The following HIPK1 variants were observed in gnomAD, a reference collection of about 807,000 sequenced individuals.
HIPK1 encodes the protein homeodomain-interacting protein kinase 1.
In HIPK1, 28 loss-of-function variants were observed where a neutral mutation model predicts 117.1. The observed-to-expected ratio is 0.24, with a 90% CI of 0.18 to 0.33. HIPK1 has a LOEUF of 0.33. Ranked by LOEUF, HIPK1 falls within the 10% of genes least tolerant of loss-of-function variation. The pLI is 1.00. For synonymous variants in HIPK1, 605 were observed against 562.5 expected (o/e 1.08, Z -1.07); for missense variants, 1,122 against 1,475.1 (o/e 0.76, Z 3.92).
At chr1:113,963,263 C>T in intron 9 of HIPK1, 124 bp from the exon 10 acceptor site, 1 of 1,109,708 alleles carries the variant, frequency 9.0e-7, no homozygotes, top group Non-Finnish European at 1.3e-6. Context: ...TTGGTATATG[C>T]ATTTTAGATG....
chr1:113,956,577 C>A, intron 5 of HIPK1, 50 bp from the exon 6 acceptor site: 1 of 1,371,684 alleles, frequency 7.3e-7, no homozygotes, highest in South Asian at 1.2e-5. Flanking sequence ...TATGTAGTGT[C>A]AGTGCCAAAG....
At chr1:113,929,894 C>G in intron 1 of HIPK1, 38 of 986,686 alleles carry the variant, frequency 3.9e-5, no homozygotes, top group Non-Finnish European at 4.5e-5. Flanking sequence ...TCCGCCGCCT[C>G]CTCACGGCAG....
rs1017783706 is a variant in HIPK1, at chr1:113,967,708, G to C, written c.2382-58G>C. 21 of 1,262,232 alleles carry C rather than the reference G, an allele frequency of 1.7e-5. No individual in the cohort carries two copies. The African/African-American group carries it at 1.9e-4, about 11-fold the overall frequency. 78.2% of individuals were successfully genotyped at this position (1,262,232 alleles called of 1,614,324 possible). On this transcript the variant is annotated intron_variant, in intron 11 of 15. Transcript: ENST00000426820. ...GGCTAATTGCTTTTGATGTCTGTTT[G>C]GTCCTGATTCTTCAGTGGTTTTGGA...
Position 113,941,152 on chromosome 1 carries a change from T to C in HIPK1, c.769T>C (p.Cys257Arg), listed in dbSNP as rs761880356. The change falls in exon 2 of 16, where the codon TGC becomes CGC. Residue 257 changes from cysteine to arginine, a missense_variant. Physicochemically the swap from Cys to Arg is radical, Grantham distance 180. Transcript: ENST00000426820. The surrounding 1 kb of genome is among the most constrained non-coding windows in gnomAD (Gnocchi z 4.9). The stretch of plus-strand genomic sequence containing the variant: ...GTATAATTTTGTCCGTTCATACGAG[T>C]GCTTTCAGCATAAGAATCACACCTG... ...DEYNFVRSYE[C>R]FQHKNHTCLV... 1 of 1,614,206 alleles carries C rather than the reference T, an allele frequency of 6.2e-7. No homozygotes were observed.
chr1:113,966,387 G>C, intron 11 of HIPK1, 115 bp downstream of exon 11: 1 of 967,972 alleles, frequency 1.0e-6, no homozygotes, highest in Non-Finnish European at 1.5e-6. Flanking sequence ...GACACTGTTG[G>C]AATCCTTTAA....
intron 8 of HIPK1, among the ~76,000 whole-genome samples, chr1:113,959,731 A>G (rs1239433597): frequency 6.6e-6 from 1 of 152,230 alleles, no homozygotes; most frequent in Non-Finnish European, 1.5e-5. Flanking sequence ...CTATCTAGGA[A>G]GTATAAATAA....
chr1:113,969,848 A>T, intron 13 of HIPK1, 108 bp from the exon 14 acceptor site: 1 of 1,243,996 alleles, frequency 8.0e-7, no homozygotes. Context: ...TTGAGGTCGC[A>T]GCGAGCTGTG....
intron 1 of HIPK1, among the ~76,000 whole-genome samples, chr1:113,938,798 T>A (rs866664480): frequency 6.6e-6 from 1 of 151,352 alleles, no homozygotes; most frequent in Admixed American, 6.6e-5. Context: ...TACTCTCAGC[T>A]ACTTGGGAGG....
At chr1:113,938,933 C>T (rs1261735997) in intron 1 of HIPK1, among the ~76,000 whole-genome samples, 2 of 71,080 alleles carry the variant, frequency 2.8e-5, no homozygotes, top group African/African-American at 5.9e-5. Flanking sequence ...AAAAAATACA[C>T]ACACACACAC....
In HIPK1 at chr1:113,973,245, A is replaced by G. The variant is rs1488187573; in HGVS notation, c.3366A>G (p.Ala1122=). Residue 1122 remains alanine, a synonymous_variant, in exon 16 of 16, where the codon GCA becomes GCG. Coordinates refer to ENST00000426820, the MANE Select transcript of HIPK1 (RefSeq NM_198268.3). Reference sequence around the variant, plus strand: ...ATGCTGCCCCGACTTCTGCTGCTGCACTGGGCTCAACCAGCTCCATTGCTC... The same window carrying G: ...ATGCTGCCCCGACTTCTGCTGCTGCGCTGGGCTCAACCAGCTCCATTGCTC... The part of the protein sequence containing the change: ...YTYAAPTSAA[A]LGSTSSIAHL... The G allele has an allele frequency of 2.5e-6, 4 of 1,614,020 alleles. No homozygotes were observed. The East Asian group carries it at 8.9e-5, about 36-fold the overall frequency.
Position 113,956,631 on chromosome 1 carries a change from A to C in HIPK1, c.1412A>C (p.Asn471Thr). ...FNCLDDMAQV[N>T]MSTDLEGTDM... is the part of the protein sequence containing the mutation. ...ATTCTGAATTTTCTTTGGAAGGTGA[A>C]TATGTCTACAGACCTGGAGGGAACA... The change falls in exon 6 of 16, where the codon AAT becomes ACT. Residue 471 changes from asparagine to threonine, a missense_variant. Transcript: ENST00000426820. 1 of 1,608,860 alleles carries C rather than the reference A, an allele frequency of 6.2e-7. No homozygotes were observed. The highest frequency in any genetic ancestry group is 1.1e-5 in the South Asian group (1 of 90,178).
At chr1:113,962,553 C>T (rs1163201008) in intron 9 of HIPK1, 115 bp downstream of exon 9, 2 of 1,016,546 alleles carry the variant, frequency 2.0e-6, no homozygotes, top group African/African-American at 1.6e-5. Context: ...GGTCATGATT[C>T]AGTGGACTTA....
chr1:113,936,130 G>A (rs1050536925), intron 1 of HIPK1, among the ~76,000 whole-genome samples: 8 of 152,160 alleles, frequency 5.3e-5, no homozygotes, highest in African/African-American at 1.9e-4. Flanking sequence ...TTCTCACCTT[G>A]TGTTAATTGA....
chr1:113,951,655 C>A (rs1345121196), intron 2 of HIPK1, among the ~76,000 whole-genome samples: 1 of 152,144 alleles, frequency 6.6e-6, no homozygotes, highest in Non-Finnish European at 1.5e-5. Context: ...CTAGTATTTA[C>A]CATGTGCCAT....
chr1:113,943,004 G>A (rs1419484105), intron 2 of HIPK1, among the ~76,000 whole-genome samples: 1 of 152,178 alleles, frequency 6.6e-6, no homozygotes, highest in Non-Finnish European at 1.5e-5. Context: ...TTTATATTAT[G>A]TGTGAAAATA....
Position 113,952,895 on chromosome 1 carries a change from A to G in HIPK1, c.1200+6A>G. The G allele has an allele frequency of 6.7e-7, 1 of 1,487,494 alleles. No individual in the cohort carries two copies. The highest frequency in any genetic ancestry group is 8.9e-7 in the Non-Finnish European group (1 of 1,119,218). 92.1% of individuals were successfully genotyped at this position (1,487,494 alleles called of 1,614,324 possible). ...GTGCTTCAGAATATGATCAGGTAAA[A>G]GTGTTTATTTGAATGGAAATAGAAT... is the stretch of plus-strand genomic sequence containing the variant. On this transcript the variant is annotated splice_donor_region_variant and intron_variant, in intron 3 of 15. Coordinates refer to ENST00000426820, the MANE Select transcript of HIPK1 (RefSeq NM_198268.3).
intron 15 of HIPK1, 112 bp downstream of exon 15, chr1:113,972,066 TCAAA>T (rs752350731): frequency 2.7e-5 from 44 of 1,612,196 alleles, no homozygotes; most frequent in Middle Eastern, 1.7e-4. Flanking sequence ...CCCTTTTGTG[TCAAA>T]CAATTTTGTG....
chr1:113,954,186 C>T (rs549391464), intron 3 of HIPK1, among the ~76,000 whole-genome samples: 1 of 152,182 alleles, frequency 6.6e-6, no homozygotes, highest in African/African-American at 2.4e-5. Flanking sequence ...TGGTCTCAAA[C>T]TCCCAGGCTC....
At chr1:113,930,217 C>G (rs1327765962) in intron 1 of HIPK1, among the ~76,000 whole-genome samples, 2 of 152,280 alleles carry the variant, frequency 1.3e-5, no homozygotes, top group Non-Finnish European at 2.9e-5. Flanking sequence ...GCGTGTTGTC[C>G]TTAAGTGACA....
Sources: gnomAD v4.1 joint callset for allele counts (sites outside exome capture counted in the v4.1 genomes callset) on GRCh38, gnomAD v4.1.1 for gene constraint, Gnocchi (gnomAD v3.1) non-coding constraint, MANE v1.5 for transcripts, NCBI Gene and HGNC (gene_info 2026-07-23, HGNC 2026-07-21) for gene names.